The following EML6 variants were observed in gnomAD, a reference collection of about 807,000 sequenced individuals.
EML6 encodes echinoderm microtubule-associated protein-like 6.
Under a neutral mutation model 240.1 loss-of-function variants are expected in EML6, and 154 were observed. The observed-to-expected ratio is 0.64, with a 90% CI of 0.56 to 0.73. The LOEUF is 0.73. EML6 is among the 30% of genes least tolerant of loss of function. EML6 has a pLI of 0.00. For synonymous variants in EML6, 1,148 were observed against 899.0 expected (o/e 1.28, Z -4.95); for missense variants, 2,964 against 2,474.6 (o/e 1.20, Z -4.20).
At position 54,725,335 on chromosome 2, in the gene EML6, C is replaced by T. The variant is rs1338924700; in HGVS notation, c.197+77C>T. ...AGGTGGGAAGCGGTTGACCTGGGGT[C>T]GGATCCGGGAGCCCCGTGGAATAGA... On this transcript the variant is annotated intron_variant, in intron 2 of 41. Coordinates refer to ENST00000356458, the MANE Select transcript of EML6 (RefSeq NM_001039753.4). The surrounding 1 kb of genome is among the most constrained non-coding windows in gnomAD (Gnocchi z 4.3). 67 of 1,138,704 alleles carry T rather than the reference C, an allele frequency of 5.9e-5. No homozygotes were observed. The highest frequency in any genetic ancestry group is 7.8e-5 in the Non-Finnish European group (66 of 845,594). 70.5% of individuals were successfully genotyped at this position (1,138,704 alleles called of 1,614,324 possible).
Position 54,823,882 on chromosome 2 carries a change from GTCTC to G in EML6, c.525+3435_525+3438del, listed in dbSNP as rs372503443. ...TCTCTCTCTCTCTCTCTCTCTTTCT[GTCTC>G]TCTCTCTCTCTCTCAGAGAGAGATC... is the stretch of plus-strand genomic sequence containing the variant. On this transcript the variant is annotated intron_variant, in intron 5 of 41. Transcript: ENST00000356458. Among the ~76,000 whole-genome samples, 6 of 87,696 alleles carry G rather than the reference GTCTC, an allele frequency of 6.8e-5. No homozygotes were observed. In the South Asian group the frequency reaches 1.2e-3, roughly 18 times the overall value. The allele number at this position is 87,696 out of a possible 152,430, so 57.5% of individuals were successfully genotyped here.
At chr2:54,958,024 G>A in intron 33 of EML6, 26 bp downstream of exon 33, 1 of 1,533,168 alleles carries the variant, frequency 6.5e-7, no homozygotes, top group South Asian at 1.2e-5. Context: ...TACTCCCTGA[G>A]AAGGGGACCC....
At chr2:54,765,531 G>C (rs1177971707) in intron 2 of EML6, among the ~76,000 whole-genome samples, 1 of 152,124 alleles carries the variant, frequency 6.6e-6, no homozygotes, top group Non-Finnish European at 1.5e-5. Context: ...CACGATCTCG[G>C]CTCACTGCAA....
At chr2:54,917,358 GTTTTTTTTTTTT>G (rs147785699) in intron 26 of EML6, among the ~76,000 whole-genome samples, 18 of 123,822 alleles carry the variant, frequency 1.5e-4, no homozygotes, top group African/African-American at 5.2e-4. Context: ...TTTTTTTTTT[GTTTTTTTTTTTT>G]TTTTTGTTTT....
chr2:54,880,103 A>G (rs1242789973), intron 17 of EML6: 1 of 153,854 alleles, frequency 6.5e-6, no homozygotes, highest in Non-Finnish European at 1.4e-5. Context: ...AAGCAGGCAA[A>G]TTGTTTCCCT....
intron 25 of EML6, among the ~76,000 whole-genome samples, chr2:54,912,467 C>G (rs564542740): frequency 2.0e-5 from 3 of 152,204 alleles, no homozygotes; most frequent in African/African-American, 7.2e-5. Context: ...TTTCATGGGT[C>G]TGTTGTATGA....
intron 4 of EML6, among the ~76,000 whole-genome samples, chr2:54,818,673 T>G (rs1047778216): frequency 1.8e-4 from 27 of 152,218 alleles, no homozygotes; most frequent in African/African-American, 6.5e-4. Flanking sequence ...CCTGTATGTT[T>G]CAGTGACTGT....
In EML6 at chr2:54,724,911, C is replaced by A; in HGVS notation, c.-151C>A. 2.1e-6 allele frequency: 1 copy of A among 478,340 alleles called. No homozygotes were observed. Among genetic ancestry groups the A allele is most frequent in the Non-Finnish European group, 3.0e-6 (1 of 332,012 alleles). 29.6% of individuals were successfully genotyped at this position (478,340 alleles called of 1,614,324 possible). On this transcript the variant is annotated 5_prime_UTR_variant, in exon 2 of 42. Transcript: ENST00000356458. The surrounding 1 kb of genome is among the most constrained non-coding windows in gnomAD (Gnocchi z 5.2). ...CGGCGGCTGCAGCGGATGATGGTGG[C>A]GGCCGGCCCGCTGGGCTGTGCCTGT...
chr2:54,861,301 A>T (rs77735347), intron 12 of EML6, among the ~76,000 whole-genome samples: 8,694 of 152,272 alleles, frequency 0.057, 369 homozygotes, highest in South Asian at 0.16. Context: ...TTAATGAACT[A>T]GCTCTGGAAA....
intron 22 of EML6, among the ~76,000 whole-genome samples, chr2:54,901,005 G>C (rs12620540): frequency 6.6e-6 from 1 of 152,126 alleles, no homozygotes; most frequent in African/African-American, 2.4e-5. Flanking sequence ...GCAGACATGA[G>C]GATTGTATTC....
At chr2:54,839,422 G>C (rs565103661) in intron 7 of EML6, among the ~76,000 whole-genome samples, 1 of 152,198 alleles carries the variant, frequency 6.6e-6, no homozygotes, top group Non-Finnish European at 1.5e-5. Context: ...AGATTGACTT[G>C]TCTGATGTGA....
intron 2 of EML6, among the ~76,000 whole-genome samples, chr2:54,803,528 AG>A (rs558495424): frequency 1.2e-3 from 185 of 152,208 alleles, no homozygotes; most frequent in South Asian, 2.1e-3. Context: ...CCTTTGCCTT[AG>A]GTACCAATTA....
At chr2:54,732,320 AT>A (rs1471967710) in intron 2 of EML6, among the ~76,000 whole-genome samples, 1 of 151,414 alleles carries the variant, frequency 6.6e-6, no homozygotes, top group Non-Finnish European at 1.5e-5. Context: ...CAATTTATTA[AT>A]TTTTTCTTTT....
chr2:54,951,681 C>T (rs920512219), intron 30 of EML6, among the ~76,000 whole-genome samples: 6 of 149,714 alleles, frequency 4.0e-5, no homozygotes, highest in African/African-American at 1.2e-4. Context: ...TCACATTTTG[C>T]CTTATTTGCT....
chr2:54,844,256 C>T lies in EML6; in HGVS notation c.1049+8C>T. 4 of 1,550,196 alleles carry T rather than the reference C, an allele frequency of 2.6e-6. No homozygotes were observed. The highest frequency in any genetic ancestry group is 3.5e-6 in the Non-Finnish European group (4 of 1,145,760). On this transcript the variant is annotated splice_region_variant and intron_variant, in intron 8 of 41. Coordinates refer to ENST00000356458, the MANE Select transcript of EML6 (RefSeq NM_001039753.4). ...CGATGACCGCTCTGTCAGGTGAGGC[C>T]CTACCGCCGTCACCTCTCTGACTTC...
chr2:54,883,022 C>T (rs373870607), intron 17 of EML6: 1 of 151,740 alleles, frequency 6.6e-6, no homozygotes, highest in Non-Finnish European at 1.5e-5. Context: ...TCCCGCATAC[C>T]ATATGGGCCC....
intron 2 of EML6, among the ~76,000 whole-genome samples, chr2:54,789,492 C>G (rs376775412): frequency 2.4e-5 from 3 of 125,222 alleles, no homozygotes; most frequent in Non-Finnish European, 4.8e-5. Context: ...CCCGCCTGGG[C>G]CACAGAGCGA....
chr2:54,744,905 TACACACACACACAC>T (rs56324677), intron 2 of EML6, among the ~76,000 whole-genome samples: 4,559 of 107,270 alleles, frequency 0.043, 124 homozygotes, highest in African/African-American at 0.075. Flanking sequence ...CACACACACG[TACACACACACACAC>T]ACACACACAC....
At chr2:54,949,879 C>G (rs1368836427) in intron 29 of EML6, among the ~76,000 whole-genome samples, 2 of 152,212 alleles carry the variant, frequency 1.3e-5, no homozygotes, top group Non-Finnish European at 2.9e-5. Flanking sequence ...TAGAAGGCTC[C>G]TCCTGCCAGC....
Sources: allele counts gnomAD v4.1 joint callset (sites outside exome capture counted in the v4.1 genomes callset), GRCh38; gene constraint gnomAD v4.1.1; non-coding constraint Gnocchi (gnomAD v3.1); transcripts MANE v1.5; gene names NCBI Gene and HGNC (gene_info 2026-07-23, HGNC 2026-07-21).